Variants in RPGRIP1L observed in about 807,000 individuals in gnomAD.
RPGRIP1L encodes protein fantom.
In RPGRIP1L, 131 loss-of-function variants were observed where a neutral mutation model predicts 160.4. The ratio of observed to expected loss-of-function variants is 0.82; its 90% CI spans 0.71 to 0.94. The LOEUF is 0.94. Among genes scored for constraint, RPGRIP1L ranks in the 40% least tolerant of loss-of-function variants. The pLI, the probability that RPGRIP1L is intolerant of heterozygous loss-of-function variation, is 0.00. For synonymous variants in RPGRIP1L, 510 were observed against 515.8 expected (o/e 0.99, Z 0.15); for missense variants, 1,522 against 1,535.8 (o/e 0.99, Z 0.15).
Position 53,605,598 on chromosome 16 carries a change from C to G in RPGRIP1L, c.3718G>C (p.Val1240Leu), listed in dbSNP as rs759000005. 1.2e-6 allele frequency: 2 copies of G among 1,614,074 alleles called. No homozygotes were observed. Among genetic ancestry groups the G allele is most frequent in the Admixed American group, 3.3e-5 (2 of 60,014 alleles). ...MPNRSLRFTV[V>L]SDPPEDEQDL... ...TGCTCGTCCTCTGGAGGGTCACTGACCACGGTGAAGCGAAGGCTGGTAAGG... is the reference window on the plus strand; with the variant it reads ...TGCTCGTCCTCTGGAGGGTCACTGAGCACGGTGAAGCGAAGGCTGGTAAGG... The change falls in exon 26 of 27, where the codon GTC (valine) becomes CTC (leucine). Residue 1240 changes from valine (V) to leucine (L), a missense_variant. By Grantham distance (32) the Val-to-Leu change is conservative. Coordinates refer to ENST00000647211, the MANE Select transcript of RPGRIP1L (RefSeq NM_015272.5).
intron 1 of RPGRIP1L, chr16:53,701,919 A>T (rs1329455302): frequency 6.6e-6 from 1 of 152,246 alleles, no homozygotes; most frequent in Admixed American, 6.5e-5. Flanking sequence ...GCTTTTACAG[A>T]AACAGCTAAC....
chr16:53,620,932 A>G (rs566012058), intron 23 of RPGRIP1L, among the ~76,000 whole-genome samples: 107 of 152,328 alleles, frequency 7.0e-4, no homozygotes, highest in African/African-American at 2.4e-3. Flanking sequence ...TCTTCTACAT[A>G]AGTTGGAATT....
At chr16:53,650,841 A>T (rs544124849) in intron 15 of RPGRIP1L, among the ~76,000 whole-genome samples, 1 of 152,096 alleles carries the variant, frequency 6.6e-6, no homozygotes, top group African/African-American at 2.4e-5. Context: ...GCCACTCCTC[A>T]GTTTCTTTTG....
intron 6 of RPGRIP1L, among the ~76,000 whole-genome samples, chr16:53,676,474 A>G (rs921872234): frequency 6.6e-6 from 1 of 152,110 alleles, no homozygotes; most frequent in African/African-American, 2.4e-5. Context: ...GCCAAAATAT[A>G]ATTTACTTAT....
chr16:53,655,226 A>C (rs1157355229), intron 14 of RPGRIP1L, among the ~76,000 whole-genome samples: 1 of 152,230 alleles, frequency 6.6e-6, no homozygotes, highest in Non-Finnish European at 1.5e-5. Flanking sequence ...ATTTTAAACA[A>C]TGTCCCTCTT....
chr16:53,618,664 C>T (rs1386083948), intron 24 of RPGRIP1L, among the ~76,000 whole-genome samples: 1 of 152,190 alleles, frequency 6.6e-6, no homozygotes, highest in Non-Finnish European at 1.5e-5. Context: ...CTGCCTCAGC[C>T]TCCTGAGTAG....
intron 6 of RPGRIP1L, 52 bp downstream of exon 6, chr16:53,686,381 T>C (rs1970012278): frequency 1.3e-6 from 2 of 1,554,372 alleles, no homozygotes; most frequent in African/African-American, 1.4e-5. Context: ...CATGATAAAG[T>C]ATTTTAAACT....
chr16:53,622,757 T>C (rs894766215), intron 22 of RPGRIP1L, among the ~76,000 whole-genome samples: 3 of 150,360 alleles, frequency 2.0e-5, no homozygotes, highest in African/African-American at 7.4e-5. Context: ...CTGAGCAACA[T>C]GGTGAAAACA....
chr16:53,697,061 G>A (rs922253501), intron 2 of RPGRIP1L, among the ~76,000 whole-genome samples: 7 of 152,078 alleles, frequency 4.6e-5, no homozygotes, highest in Non-Finnish European at 7.4e-5. Context: ...GGGCATGGTG[G>A]CGGACACCTG....
At chr16:53,678,137 C>CTTT (rs34212430) in intron 6 of RPGRIP1L, among the ~76,000 whole-genome samples, 16 of 143,232 alleles carry the variant, frequency 1.1e-4, no homozygotes, top group East Asian at 4.1e-4. Context: ...TTTCTCTTTC[C>CTTT]TTTTTTTTTT....
At chr16:53,637,059 C>A (rs935049665) in intron 21 of RPGRIP1L, among the ~76,000 whole-genome samples, 1 of 151,934 alleles carries the variant, frequency 6.6e-6, no homozygotes, top group African/African-American at 2.4e-5. Flanking sequence ...TTCACAGGCA[C>A]CATCATAGCA....
In RPGRIP1L at chr16:53,619,207, G is replaced by T; in HGVS notation, c.3434C>A (p.Pro1145Gln). ...GATCTCAATCCGAATTTTTTCTGAT[G>T]GCTGTTTAAAGAGCAAAAACAAAAA... Reference protein sequence around the residue: ...GITGACHHTQPSEKIRIEIIA... With the variant: ...GITGACHHTQQSEKIRIEIIA... Residue 1145 changes from proline to glutamine, a missense_variant and splice_region_variant, in exon 24 of 27, where the codon CCA becomes CAA. By Grantham distance (76) the Pro-to-Gln change is moderately conservative. Coordinates refer to ENST00000647211, the MANE Select transcript of RPGRIP1L (RefSeq NM_015272.5). 1 of 1,612,564 alleles carries T rather than the reference G, an allele frequency of 6.2e-7. No individual in the cohort carries two copies. Among genetic ancestry groups the T allele is most frequent in the South Asian group, 1.1e-5 (1 of 91,010 alleles).
chr16:53,648,863 C>A, intron 16 of RPGRIP1L, 101 bp downstream of exon 16: 2 of 1,093,018 alleles, frequency 1.8e-6, no homozygotes, highest in Non-Finnish European at 2.8e-6. Context: ...AAAAAAGACA[C>A]TTGATGGCTG....
In RPGRIP1L at chr16:53,601,696, C is replaced by G; in HGVS notation, c.*380G>C. 4.6e-6 allele frequency: 1 copy of G among 218,890 alleles called. No homozygotes were observed. The highest frequency in any genetic ancestry group is 7.4e-5 in the South Asian group (1 of 13,448). 13.6% of individuals were successfully genotyped at this position (218,890 alleles called of 1,614,324 possible). A position where few individuals can be genotyped will look rare whatever the true frequency, so the allele number is the denominator to read the frequency against. On this transcript the variant is annotated 3_prime_UTR_variant, in exon 27 of 27. Transcript: ENST00000647211. ...GATTAGGGATAACATAAAAGTATTT[C>G]TTTTTCATAGGTTTTCTAAGATTTA...
chr16:53,646,082 T>A, intron 16 of RPGRIP1L, 79 bp from the exon 17 acceptor site: 1 of 1,340,718 alleles, frequency 7.5e-7, no homozygotes, highest in Non-Finnish European at 1.1e-6. Flanking sequence ...CCAAATAAGA[T>A]AATTTTGTCA....
At chr16:53,671,409 C>T in intron 9 of RPGRIP1L, 101 bp downstream of exon 9, 2 of 760,796 alleles carry the variant, frequency 2.6e-6, no homozygotes, top group Non-Finnish European at 2.3e-6. Flanking sequence ...TCATTTGTTG[C>T]TAATTCTTTG....
chr16:53,698,680 C>A (rs1971088326), intron 2 of RPGRIP1L, among the ~76,000 whole-genome samples: 1 of 139,410 alleles, frequency 7.2e-6, no homozygotes, highest in Non-Finnish European at 1.6e-5. Flanking sequence ...GGGGGTCAGC[C>A]CCCCGCCCGG....
intron 12 of RPGRIP1L, 55 bp downstream of exon 12, chr16:53,658,359 A>G: frequency 5.5e-6 from 7 of 1,266,240 alleles, no homozygotes; most frequent in Non-Finnish European, 8.1e-6. Flanking sequence ...GGTCATCATT[A>G]TGCTGAAACA....
chr16:53,695,062 A>C, intron 3 of RPGRIP1L: 1 of 406,828 alleles, frequency 2.5e-6, no homozygotes, highest in Non-Finnish European at 4.4e-6. Context: ...TTTCCCATTA[A>C]ACTACATGGC....
Sources: allele counts gnomAD v4.1 joint callset (sites outside exome capture counted in the v4.1 genomes callset), GRCh38; gene constraint gnomAD v4.1.1; transcripts MANE v1.5; gene names NCBI Gene and HGNC (gene_info 2026-07-23, HGNC 2026-07-21).